Variants in LARGE1 observed in about 807,000 individuals in gnomAD.
LARGE1 encodes xylosyl- and glucuronyltransferase LARGE1.
A neutral mutation model predicts 87.6 loss-of-function variants in LARGE1; 43 were observed. That is an observed-to-expected ratio of 0.49 (90% CI 0.38 to 0.63). The LOEUF (loss-of-function observed/expected upper bound fraction) is 0.63, where lower values mean the gene tolerates loss of function less well. Among genes scored for constraint, LARGE1 ranks in the 30% least tolerant of loss-of-function variants. The pLI, the probability that LARGE1 is intolerant of heterozygous loss-of-function variation, is 0.00. For synonymous variants in LARGE1, 434 were observed against 394.6 expected (o/e 1.10, Z -1.18); for missense variants, 802 against 1,000.2 (o/e 0.80, Z 2.67).
At chr22:33,816,695 G>GACAA (rs2086662052) in intron 1 of LARGE1, among the ~76,000 whole-genome samples, 1 of 130,588 alleles carries the variant, frequency 7.7e-6, no homozygotes, top group African/African-American at 3.2e-5. Flanking sequence ...TAGATAGACA[G>GACAA]ACAGACAGAC....
At chr22:33,112,083 G>A in the LARGE1 span, among the ~76,000 whole-genome samples, 4 of 152,236 alleles carry the variant, frequency 2.6e-5, no homozygotes, top group Non-Finnish European at 4.4e-5. Context: ...TTTTAAGCAA[G>A]GGAATAGCTT....
intron 1 of LARGE1, among the ~76,000 whole-genome samples, chr22:33,862,061 A>G (rs1472749633): frequency 2.0e-5 from 3 of 151,690 alleles, no homozygotes; most frequent in African/African-American, 4.8e-5. Flanking sequence ...GGGTCTCACC[A>G]TGTTGGCCAG....
chr22:33,535,434 T>C (rs1056807743), intron 6 of LARGE1, among the ~76,000 whole-genome samples: 2 of 151,992 alleles, frequency 1.3e-5, no homozygotes, highest in African/African-American at 4.8e-5. Context: ...TCCCAGCTAC[T>C]TGGGAGGCTG....
chr22:33,745,195 G>A (rs2084035669), intron 2 of LARGE1, among the ~76,000 whole-genome samples: 1 of 152,204 alleles, frequency 6.6e-6, no homozygotes, highest in South Asian at 2.1e-4. Flanking sequence ...ATGCAATACA[G>A]GGACTGTTTG....
chr22:33,823,111 C>A (rs556040889), intron 1 of LARGE1, among the ~76,000 whole-genome samples: 2 of 152,296 alleles, frequency 1.3e-5, no homozygotes, highest in South Asian at 4.1e-4. Context: ...ATAAATAGCA[C>A]AACCTAATCC....
the LARGE1 span, among the ~76,000 whole-genome samples, chr22:33,157,012 C>A: frequency 6.6e-6 from 1 of 152,166 alleles, no homozygotes; most frequent in African/African-American, 2.4e-5. Context: ...CACCTTCTGC[C>A]GTGATTGTGA....
At chr22:33,138,403 T>G in the LARGE1 span, among the ~76,000 whole-genome samples, 2 of 152,150 alleles carry the variant, frequency 1.3e-5, no homozygotes, top group African/African-American at 4.8e-5. Context: ...CATAAGGGAC[T>G]TGCCTTGTCT....
chr22:33,581,828 A>G (rs1016875280), intron 5 of LARGE1, among the ~76,000 whole-genome samples: 6 of 152,064 alleles, frequency 3.9e-5, no homozygotes, highest in African/African-American at 1.4e-4. Context: ...AAAAAAAAAA[A>G]AAAGAATCTG....
At chr22:33,498,105 G>A (rs769052502) in intron 6 of LARGE1, among the ~76,000 whole-genome samples, 3 of 151,904 alleles carry the variant, frequency 2.0e-5, no homozygotes, top group African/African-American at 4.8e-5. Flanking sequence ...GGCTGGTCTC[G>A]AGTTCCTGGC....
chr22:33,795,694 G>A lies in LARGE1; in HGVS notation c.-82-34136C>T, dbSNP rs572260545. ...ACTATGCAGCCCTAAAAAAGGATGCGTTCAGGGACGTGGATGAAGCTAGAA... is the reference window on the plus strand; with the variant it reads ...ACTATGCAGCCCTAAAAAAGGATGCATTCAGGGACGTGGATGAAGCTAGAA... On this transcript the variant is annotated intron_variant, in intron 1 of 14. Transcript: ENST00000397394. Among the ~76,000 whole-genome samples, 51 of 152,190 alleles carry A rather than the reference G, an allele frequency of 3.4e-4. No homozygotes were observed. In the South Asian group the frequency reaches 7.3e-3, roughly 22 times the overall value.
chr22:33,720,361 T>C (rs940873169), intron 2 of LARGE1, among the ~76,000 whole-genome samples: 7 of 152,092 alleles, frequency 4.6e-5, no homozygotes, highest in Admixed American at 3.9e-4. Context: ...TAAATACAGA[T>C]GAAGCTTCTC....
chr22:33,164,512 A>G (rs1227912783), exon 12 of LARGE1: 1 of 137,424 alleles, frequency 7.3e-6, no homozygotes, highest in Non-Finnish European at 1.6e-5. Context: ...TTTTTTTTTT[A>G]TTTTTATGTA....
the LARGE1 span, among the ~76,000 whole-genome samples, chr22:33,150,080 T>C: frequency 1.3e-5 from 2 of 152,112 alleles, no homozygotes; most frequent in Non-Finnish European, 2.9e-5. Context: ...AAAACTTAAA[T>C]TTGTTTTATC....
intron 6 of LARGE1, among the ~76,000 whole-genome samples, chr22:33,535,968 T>C (rs1053215650): frequency 4.6e-5 from 7 of 152,210 alleles, no homozygotes; most frequent in African/African-American, 1.7e-4. Context: ...GGAAATGAGC[T>C]CATGTGTTCA....
At chr22:33,857,374 G>A (rs1367428828) in intron 1 of LARGE1, among the ~76,000 whole-genome samples, 1 of 152,330 alleles carries the variant, frequency 6.6e-6, no homozygotes, top group Admixed American at 6.5e-5. Context: ...GCCCCAAAGG[G>A]CAAGAATTCA....
chr22:33,862,695 C>G (rs940114362), intron 1 of LARGE1, among the ~76,000 whole-genome samples: 3 of 152,064 alleles, frequency 2.0e-5, no homozygotes, highest in Admixed American at 2.0e-4. Context: ...CACGTGTCCT[C>G]GGGGGCCACC....
chr22:33,845,631 T>C (rs138944465), intron 1 of LARGE1, among the ~76,000 whole-genome samples: 20 of 152,298 alleles, frequency 1.3e-4, no homozygotes, highest in African/African-American at 4.8e-4. Flanking sequence ...ATAATGCATA[T>C]CTTTAGGAAA....
chr22:33,086,657 A>G, the LARGE1 span, among the ~76,000 whole-genome samples: 1 of 145,590 alleles, frequency 6.9e-6, no homozygotes, highest in African/African-American at 2.6e-5. Context: ...GGTTCAAGCT[A>G]TTCTCCTGCC....
At chr22:33,268,455 G>C (rs1337339623), downstream of LARGE1, among the ~76,000 whole-genome samples, 1 of 144,910 alleles carries the variant, frequency 6.9e-6, no homozygotes, top group Non-Finnish European at 1.5e-5. Flanking sequence ...TTGAGATGGA[G>C]TCTCACTCTG....
Sources: gnomAD v4.1 joint callset for allele counts (sites outside exome capture counted in the v4.1 genomes callset) on GRCh38, gnomAD v4.1.1 for gene constraint, MANE v1.5 for transcripts, NCBI Gene and HGNC (gene_info 2026-07-23, HGNC 2026-07-21) for gene names.